The following DLG2 variants were observed in gnomAD, a reference collection of about 807,000 sequenced individuals.
DLG2 encodes disks large homolog 2.
Under a neutral mutation model 132.5 loss-of-function variants are expected in DLG2, and 45 were observed. That is an observed-to-expected ratio of 0.34 (90% CI 0.27 to 0.44). DLG2 has a LOEUF of 0.44. Among genes scored for constraint, DLG2 ranks in the 20% least tolerant of loss-of-function variants. The probability of loss-of-function intolerance (pLI) is 1.00; values close to 1 mark genes in which losing one functional copy is unlikely to be tolerated. For synonymous variants in DLG2, 424 were observed against 419.6 expected, an observed-to-expected ratio of 1.01 and a Z score of -0.13; for missense variants, 1,045 against 1,196.9, an observed-to-expected ratio of 0.87 and a Z score of 1.87.
intron 7 of DLG2, among the ~76,000 whole-genome samples, chr11:84,364,853 G>C (rs1305785704): frequency 1.3e-5 from 2 of 152,172 alleles, no homozygotes; most frequent in African/African-American, 4.8e-5. Flanking sequence ...GCATCCCAGG[G>C]ATGAAGCTCA....
intron 11 of DLG2, among the ~76,000 whole-genome samples, chr11:83,983,676 C>T (rs1001356106): frequency 1.4e-4 from 21 of 151,954 alleles, no homozygotes; most frequent in African/African-American, 4.8e-4. Context: ...TATCTAATTT[C>T]CTTGTGATGT....
chr11:84,863,307 C>G (rs2084041204), intron 6 of DLG2, among the ~76,000 whole-genome samples: 1 of 151,876 alleles, frequency 6.6e-6, no homozygotes, highest in Non-Finnish European at 1.5e-5. Flanking sequence ...TCCTTTCCAT[C>G]TTAAATTCCC....
chr11:83,570,699 A>T (rs1303876592), intron 19 of DLG2, among the ~76,000 whole-genome samples: 3 of 152,172 alleles, frequency 2.0e-5, no homozygotes, highest in Non-Finnish European at 4.4e-5. Flanking sequence ...CAACCAGAGG[A>T]AAATGTCACA....
At chr11:83,567,753 G>T (rs984943268) in intron 19 of DLG2, among the ~76,000 whole-genome samples, 1 of 152,134 alleles carries the variant, frequency 6.6e-6, no homozygotes, top group Non-Finnish European at 1.5e-5. Flanking sequence ...GCAGCTGCAT[G>T]CAGAGTGAGT....
At chr11:85,013,697 T>G (rs549835607) in intron 6 of DLG2, among the ~76,000 whole-genome samples, 4 of 152,212 alleles carry the variant, frequency 2.6e-5, no homozygotes, top group African/African-American at 9.6e-5. Flanking sequence ...GAAGATAAAA[T>G]TTTTGAAAAT....
chr11:84,835,926 A>C lies in DLG2; in HGVS notation c.357+275735T>G, dbSNP rs575633448. Among the ~76,000 whole-genome samples, 29 of 151,870 alleles carry C rather than the reference A, an allele frequency of 1.9e-4. No individual in the cohort carries two copies. In the South Asian group the frequency reaches 4.6e-3, roughly 24 times the overall value. On this transcript the variant is annotated intron_variant, in intron 6 of 27. Coordinates refer to ENST00000376104, the MANE Select transcript of DLG2 (RefSeq NM_001142699.3). ...AATAACAGAAACTCAAATAACCTTA[A>C]ATTTCTTTAGGCCTGCAAATCATCT...
intron 6 of DLG2, among the ~76,000 whole-genome samples, chr11:84,653,421 C>T (rs977242887): frequency 6.6e-6 from 1 of 152,166 alleles, no homozygotes; most frequent in Non-Finnish European, 1.5e-5. Context: ...CAGAGCAAGA[C>T]CAAAGTCTCC....
At chr11:84,064,707 G>C (rs1421696767) in intron 10 of DLG2, among the ~76,000 whole-genome samples, 2 of 152,032 alleles carry the variant, frequency 1.3e-5, no homozygotes, top group Non-Finnish European at 2.9e-5. Flanking sequence ...TATAGTGAGG[G>C]AAAAATACTA....
At chr11:85,506,401 T>C (rs1164936118) in intron 3 of DLG2, among the ~76,000 whole-genome samples, 1 of 152,212 alleles carries the variant, frequency 6.6e-6, no homozygotes, top group East Asian at 1.9e-4. Context: ...GTCCCAGATA[T>C]TCTGGTATGT....
intron 5 of DLG2, among the ~76,000 whole-genome samples, chr11:85,126,614 G>C (rs1428237849): frequency 6.6e-6 from 1 of 151,394 alleles, no homozygotes; most frequent in African/African-American, 2.4e-5. Context: ...TTTTTTTTCT[G>C]ATACATCAAG....
At chr11:83,553,483 CGTGTGTGTGTGTGTGTGTGTGTGT>C (rs71959561) in intron 19 of DLG2, among the ~76,000 whole-genome samples, 3 of 143,772 alleles carry the variant, frequency 2.1e-5, no homozygotes, top group Admixed American at 1.4e-4. Flanking sequence ...AAGTAAGCAC[CGTGTGTGTGTGTGTGTGTGTGTGT>C]GTGTGTGTGT....
chr11:83,998,843 G>T (rs1223819777), intron 11 of DLG2, among the ~76,000 whole-genome samples: 1 of 152,182 alleles, frequency 6.6e-6, no homozygotes. Flanking sequence ...CAAGAGAATT[G>T]TGGACTGTAA....
In DLG2 at chr11:84,767,563, A is replaced by T. The variant is rs1027229264; in HGVS notation, c.358-232832T>A. On this transcript the variant is annotated intron_variant, in intron 6 of 27. Coordinates refer to ENST00000376104, the MANE Select transcript of DLG2 (RefSeq NM_001142699.3). Reference sequence around the variant, plus strand: ...CCTGAGCAGAGATAATAAAGTCCTCACTTTCTATTTTAAAACTAAAATTAA... The same window carrying T: ...CCTGAGCAGAGATAATAAAGTCCTCTCTTTCTATTTTAAAACTAAAATTAA... Among the ~76,000 whole-genome samples, 8 of 152,194 alleles carry T rather than the reference A, an allele frequency of 5.3e-5. No homozygotes were observed. In the Middle Eastern group the frequency reaches 0.01, roughly 194 times the overall value.
At chr11:84,290,525 T>C (rs554102321) in intron 7 of DLG2, among the ~76,000 whole-genome samples, 3 of 152,164 alleles carry the variant, frequency 2.0e-5, no homozygotes, top group Admixed American at 2.0e-4. Flanking sequence ...AACACAGAAA[T>C]GAGTTTTTGT....
At chr11:85,081,703 T>A (rs1269789953) in intron 6 of DLG2, among the ~76,000 whole-genome samples, 3 of 152,204 alleles carry the variant, frequency 2.0e-5, no homozygotes, top group Admixed American at 2.0e-4. Context: ...TAATGTAAGC[T>A]ATTGGAGTTG....
intron 6 of DLG2, among the ~76,000 whole-genome samples, chr11:84,913,325 C>G (rs2092243914): frequency 6.6e-6 from 1 of 152,146 alleles, no homozygotes; most frequent in Non-Finnish European, 1.5e-5. Flanking sequence ...GTTAGAACTA[C>G]AATGGCAATT....
At chr11:85,157,524 C>T (rs1408149165) in intron 4 of DLG2, among the ~76,000 whole-genome samples, 1 of 152,150 alleles carries the variant, frequency 6.6e-6, no homozygotes, top group Non-Finnish European at 1.5e-5. Context: ...ATACATAATA[C>T]ATTTGACTAT....
At chr11:83,503,815 C>T (rs780880068) in intron 21 of DLG2, among the ~76,000 whole-genome samples, 1 of 152,066 alleles carries the variant, frequency 6.6e-6, no homozygotes, top group Admixed American at 6.5e-5. Context: ...TGCATCCTTC[C>T]ACCCAATCAA....
chr11:84,526,016 AAC>A (rs1332287305), intron 7 of DLG2, among the ~76,000 whole-genome samples: 2 of 152,160 alleles, frequency 1.3e-5, no homozygotes, highest in African/African-American at 4.8e-5. Context: ...CAAAAAATTA[AAC>A]AGTTTTTCTA....
Sources: allele counts gnomAD v4.1 joint callset (sites outside exome capture counted in the v4.1 genomes callset), GRCh38; gene constraint gnomAD v4.1.1; transcripts MANE v1.5; gene names NCBI Gene and HGNC (gene_info 2026-07-23, HGNC 2026-07-21).